SNTG1: variants seen among roughly 807,000 people sequenced by gnomAD.
SNTG1 encodes the protein syntrophin gamma 1.
A neutral mutation model predicts 74.7 loss-of-function variants in SNTG1; 39 were observed. That is an observed-to-expected ratio of 0.52 (90% confidence interval 0.40 to 0.68). The LOEUF is 0.68. SNTG1 is among the 30% of genes least tolerant of loss of function. The probability of loss-of-function intolerance (pLI) is 0.00; values close to 1 mark genes in which losing one functional copy is unlikely to be tolerated. For missense variants in SNTG1, 685 were observed against 609.5 expected, an observed-to-expected ratio of 1.12 and a Z score of -1.30; for synonymous variants, 254 against 217.1, an observed-to-expected ratio of 1.17 and a Z score of -1.49.
At chr8:50,690,370 C>A (rs7837403) in intron 15 of SNTG1, among the ~76,000 whole-genome samples, 8,155 of 152,132 alleles carry the variant, frequency 0.054, 582 homozygotes, top group African/African-American at 0.15. Flanking sequence ...TTCCTGCTTT[C>A]TCTTGTGGGC....
At chr8:50,136,360 C>T (rs1243108985) in intron 1 of SNTG1, among the ~76,000 whole-genome samples, 2 of 152,124 alleles carry the variant, frequency 1.3e-5, no homozygotes, top group African/African-American at 4.8e-5. Flanking sequence ...GAATTAGTTT[C>T]CCACAACAAT....
chr8:50,221,841 G>C (rs535608461), intron 2 of SNTG1, among the ~76,000 whole-genome samples: 1 of 152,106 alleles, frequency 6.6e-6, no homozygotes, highest in East Asian at 1.9e-4. Flanking sequence ...TCAAGACAGG[G>C]GAATTGCAAT....
intron 1 of SNTG1, among the ~76,000 whole-genome samples, chr8:49,949,871 G>A (rs903275007): frequency 3.3e-5 from 5 of 152,196 alleles, no homozygotes; most frequent in African/African-American, 1.2e-4. Flanking sequence ...CAGGCGCAGT[G>A]GCCCAGGCCT....
intron 1 of SNTG1, among the ~76,000 whole-genome samples, chr8:49,967,959 G>A (rs753099429): frequency 1.1e-4 from 16 of 152,154 alleles, no homozygotes; most frequent in African/African-American, 2.4e-4. Flanking sequence ...ATACAAGAGC[G>A]AGGGTATTCT....
At chr8:50,515,579 A>G (rs966854266) in intron 9 of SNTG1, among the ~76,000 whole-genome samples, 1 of 152,070 alleles carries the variant, frequency 6.6e-6, no homozygotes, top group African/African-American at 2.4e-5. Context: ...CCAGAACAGC[A>G]GTCTGAAGTT....
chr8:50,672,208 A>T (rs958345614), intron 15 of SNTG1, among the ~76,000 whole-genome samples: 2 of 148,892 alleles, frequency 1.3e-5, no homozygotes, highest in Non-Finnish European at 3.0e-5. Context: ...AATAAAAAAA[A>T]ATGTCTGGAT....
chr8:50,214,803 A>C (rs1044496701), intron 2 of SNTG1, among the ~76,000 whole-genome samples: 3 of 152,178 alleles, frequency 2.0e-5, no homozygotes, highest in African/African-American at 7.2e-5. Flanking sequence ...CAAATAGAGA[A>C]TAGCCAAGTC....
intron 2 of SNTG1, among the ~76,000 whole-genome samples, chr8:50,199,747 C>A (rs945533014): frequency 2.0e-5 from 3 of 152,212 alleles, no homozygotes; most frequent in East Asian, 3.9e-4. Context: ...ATGTAGGGTG[C>A]GAGTCAGCCA....
At chr8:50,514,878 T>G (rs2094118059) in intron 9 of SNTG1, among the ~76,000 whole-genome samples, 1 of 152,170 alleles carries the variant, frequency 6.6e-6, no homozygotes, top group Non-Finnish European at 1.5e-5. Context: ...CTGTCAAAGT[T>G]TGCTTCATAT....
chr8:49,968,091 A>G (rs1322230610), intron 1 of SNTG1, among the ~76,000 whole-genome samples: 2 of 152,106 alleles, frequency 1.3e-5, no homozygotes, highest in Non-Finnish European at 2.9e-5. Flanking sequence ...TTTTTCTGCA[A>G]GTAAATACAA....
intron 11 of SNTG1, among the ~76,000 whole-genome samples, chr8:50,550,573 T>C (rs1305382948): frequency 6.6e-6 from 1 of 152,148 alleles, no homozygotes; most frequent in Non-Finnish European, 1.5e-5. Context: ...AAATACTTTT[T>C]ACTGCCAGAG....
intron 11 of SNTG1, among the ~76,000 whole-genome samples, chr8:50,542,405 C>T: frequency 6.6e-6 from 1 of 151,992 alleles, no homozygotes; most frequent in East Asian, 1.9e-4. Context: ...GATCCACCCG[C>T]CTCGGCCTCC....
At chr8:50,652,982 A>G (rs1171533617) in intron 13 of SNTG1, among the ~76,000 whole-genome samples, 1 of 151,946 alleles carries the variant, frequency 6.6e-6, no homozygotes, top group Admixed American at 6.6e-5. Flanking sequence ...GTATTGCTAA[A>G]TCAATTGATT....
intron 1 of SNTG1, among the ~76,000 whole-genome samples, chr8:50,113,208 G>C (rs2080673653): frequency 1.3e-5 from 2 of 152,082 alleles, no homozygotes; most frequent in South Asian, 4.1e-4. Flanking sequence ...CCATTTTCAG[G>C]ATATTGATTC....
intron 18 of SNTG1, among the ~76,000 whole-genome samples, chr8:50,760,327 C>T (rs751481158): frequency 6.6e-6 from 1 of 151,884 alleles, no homozygotes; most frequent in Non-Finnish European, 1.5e-5. Context: ...TATTTGAATA[C>T]CCTTTATTTC....
chr8:50,147,962 T>C (rs1186988498), intron 1 of SNTG1, among the ~76,000 whole-genome samples: 1 of 152,150 alleles, frequency 6.6e-6, no homozygotes, highest in East Asian at 1.9e-4. Context: ...ATGCATATTA[T>C]AATGCTAGAA....
At chr8:50,762,179 C>G (rs1321984270) in intron 18 of SNTG1, among the ~76,000 whole-genome samples, 1 of 151,914 alleles carries the variant, frequency 6.6e-6, no homozygotes, top group African/African-American at 2.4e-5. Context: ...TAAAACCAAT[C>G]TCCAGTAAGT....
chr8:50,594,996 C>A (rs139808423), intron 13 of SNTG1, among the ~76,000 whole-genome samples: 1 of 147,638 alleles, frequency 6.8e-6, no homozygotes, highest in Non-Finnish European at 1.5e-5. Flanking sequence ...ATATTTAATT[C>A]ATGAAATTTT....
rs10634199 is a variant in SNTG1, at chr8:50,394,846, C to CTTTTTT, written c.27+592_27+597dup. Among the ~76,000 whole-genome samples, 2 of 143,554 alleles carry CTTTTTT rather than the reference C, an allele frequency of 1.4e-5. 1 individual carries two copies. The allele number at this position is 143,554 out of a possible 152,430, so 94.2% of individuals were successfully genotyped here. A position where few individuals can be genotyped will look rare whatever the true frequency, so the allele number is the denominator to read the frequency against. ...ATTCCATCTTAGGAAGAAAAACTAA[C>CTTTTTT]TTTTTTTTTTTTTTTTACTAAATAT... On this transcript the variant is annotated intron_variant, in intron 3 of 18. Transcript: ENST00000642720.
Sources: gnomAD v4.1 joint callset for allele counts (sites outside exome capture counted in the v4.1 genomes callset) on GRCh38, gnomAD v4.1.1 for gene constraint, MANE v1.5 for transcripts, NCBI Gene and HGNC (gene_info 2026-07-23, HGNC 2026-07-21) for gene names.